CXCL13: variants seen among roughly 807,000 people sequenced by gnomAD.
CXCL13 encodes C-X-C motif chemokine ligand 13, also known as C-X-C motif chemokine 13.
Under a neutral mutation model 12.2 loss-of-function variants are expected in CXCL13, and 7 were observed. The observed-to-expected ratio is 0.57, with a 90% confidence interval of 0.33 to 1.07. The LOEUF is 1.07. Among genes scored for constraint, CXCL13 ranks in the 50% least tolerant of loss-of-function variants. The pLI is 0.04. For synonymous variants in CXCL13, 47 were observed against 42.4 expected, an observed-to-expected ratio of 1.11 and a Z score of -0.42; for missense variants, 113 against 127.4, an observed-to-expected ratio of 0.89 and a Z score of 0.55.
intron 1 of CXCL13, among the ~76,000 whole-genome samples, chr4:77,530,091 T>C (rs929624481): frequency 1.3e-5 from 2 of 152,212 alleles, no homozygotes; most frequent in African/African-American, 2.4e-5. Context: ...TTGATTTGCA[T>C]ATGTTGAACC....
At chr4:77,538,830 C>T (rs1725130655) in intron 1 of CXCL13, among the ~76,000 whole-genome samples, 1 of 152,186 alleles carries the variant, frequency 6.6e-6, no homozygotes, top group African/African-American at 2.4e-5. Context: ...ATCCAAGTCA[C>T]ATGGCAACAA....
chr4:77,576,899 T>C (rs1400981907), intron 1 of CXCL13, among the ~76,000 whole-genome samples: 1 of 152,204 alleles, frequency 6.6e-6, no homozygotes, highest in Non-Finnish European at 1.5e-5. Flanking sequence ...AGAGAGAAAT[T>C]ATGTTTCCAA....
upstream of CXCL13, among the ~76,000 whole-genome samples, chr4:77,603,939 G>T (rs1022275679): frequency 1.3e-5 from 2 of 152,178 alleles, no homozygotes; most frequent in African/African-American, 4.8e-5. Context: ...TAAATATGAG[G>T]CATAGAGAAA....
chr4:77,521,726 T>C (rs1439662087), intron 1 of CXCL13, among the ~76,000 whole-genome samples: 2 of 152,170 alleles, frequency 1.3e-5, no homozygotes, highest in Admixed American at 6.6e-5. Flanking sequence ...TCTTCTCTGA[T>C]CTTAGTTATT....
intron 1 of CXCL13, among the ~76,000 whole-genome samples, chr4:77,544,144 C>G (rs1283723868): frequency 2.0e-5 from 3 of 152,150 alleles, no homozygotes; most frequent in Admixed American, 2.0e-4. Context: ...TCCAGTCTAT[C>G]ATTGATAGAC....
intron 1 of CXCL13, among the ~76,000 whole-genome samples, chr4:77,515,640 T>G (rs1167770756): frequency 2.0e-5 from 3 of 152,162 alleles, no homozygotes; most frequent in Non-Finnish European, 4.4e-5. Context: ...ATGCTTGTGA[T>G]TTTTGCACAT....
At chr4:77,516,040 G>A (rs1280870358) in intron 1 of CXCL13, among the ~76,000 whole-genome samples, 1 of 152,118 alleles carries the variant, frequency 6.6e-6, no homozygotes, top group Admixed American at 6.5e-5. Flanking sequence ...TTTGTCAAAG[G>A]CCTTTTCTGC....
intron 2 of CXCL13, among the ~76,000 whole-genome samples, chr4:77,608,159 G>T (rs1255913033): frequency 6.6e-6 from 1 of 152,170 alleles, no homozygotes; most frequent in Non-Finnish European, 1.5e-5. Context: ...GTGCATTAGT[G>T]GCCAGGCGTG....
At chr4:77,574,131 AT>A (rs1474261211) in intron 1 of CXCL13, among the ~76,000 whole-genome samples, 28 of 152,088 alleles carry the variant, frequency 1.8e-4, no homozygotes, top group African/African-American at 6.8e-4. Context: ...TTAAAAATGG[AT>A]AAAAAGTTTT....
At chr4:77,519,047 T>C (rs1290664665) in intron 1 of CXCL13, among the ~76,000 whole-genome samples, 1 of 152,224 alleles carries the variant, frequency 6.6e-6, no homozygotes, top group African/African-American at 2.4e-5. Flanking sequence ...TGGAGTTTGC[T>C]AGAGGTCCAC....
At chr4:77,528,154 C>A (rs577486663) in intron 1 of CXCL13, among the ~76,000 whole-genome samples, 1 of 152,264 alleles carries the variant, frequency 6.6e-6, no homozygotes, top group East Asian at 1.9e-4. Context: ...GTATATGTGC[C>A]ACATTTTCTT....
intron 1 of CXCL13, among the ~76,000 whole-genome samples, chr4:77,516,940 AT>A (rs1233130400): frequency 6.6e-6 from 1 of 151,962 alleles, no homozygotes; most frequent in Non-Finnish European, 1.5e-5. Flanking sequence ...TCTTGTGGGC[AT>A]TTAGTGCTAT....
chr4:77,549,482 T>C (rs1725455654), intron 1 of CXCL13, among the ~76,000 whole-genome samples: 1 of 152,240 alleles, frequency 6.6e-6, no homozygotes, highest in Non-Finnish European at 1.5e-5. Flanking sequence ...TTTATCTACC[T>C]TTGGTCTTTG....
At chr4:77,608,090 T>C (rs1335425301) in intron 2 of CXCL13, among the ~76,000 whole-genome samples, 1 of 152,198 alleles carries the variant, frequency 6.6e-6, no homozygotes, top group Non-Finnish European at 1.5e-5. Context: ...TTCCTTACAG[T>C]CTGAGGCTTA....
chr4:77,572,528 C>T (rs950734965), intron 1 of CXCL13, among the ~76,000 whole-genome samples: 34 of 151,590 alleles, frequency 2.2e-4, no homozygotes, highest in East Asian at 2.1e-3. Context: ...AAATCAAAAC[C>T]ACAATGAGAT....
chr4:77,601,427 AT>A (rs945012545), upstream of CXCL13, among the ~76,000 whole-genome samples: 2 of 152,268 alleles, frequency 1.3e-5, no homozygotes, highest in African/African-American at 4.8e-5. Flanking sequence ...ATGAAAAAAA[AT>A]AAAACACCCC....
upstream of CXCL13, among the ~76,000 whole-genome samples, chr4:77,601,087 T>A (rs1317042326): frequency 2.6e-5 from 4 of 152,162 alleles, no homozygotes; most frequent in Non-Finnish European, 5.9e-5. Context: ...TCTTGGGGAA[T>A]CACCACCCTA....
intron 1 of CXCL13, among the ~76,000 whole-genome samples, chr4:77,521,472 C>A (rs182447566): frequency 1.9e-4 from 29 of 152,224 alleles, no homozygotes; most frequent in Middle Eastern, 3.4e-3. Flanking sequence ...GGAATTTATC[C>A]ATTTCTTCTA....
chr4:77,555,377 C>T (rs1456766249), intron 1 of CXCL13, among the ~76,000 whole-genome samples: 1 of 151,898 alleles, frequency 6.6e-6, no homozygotes, highest in Non-Finnish European at 1.5e-5. Context: ...CCTAATAGCA[C>T]TGTATTTATT....
Sources: allele counts gnomAD v4.1 joint callset (sites outside exome capture counted in the v4.1 genomes callset), GRCh38; gene constraint gnomAD v4.1.1; transcripts MANE v1.5; gene names NCBI Gene and HGNC (gene_info 2026-07-23, HGNC 2026-07-21).